Variants in SEPTIN6 observed in about 807,000 individuals in gnomAD.
The protein encoded by SEPTIN6 is septin-6.
SEPTIN6 carries 8 observed loss-of-function variants against 33.6 expected under a neutral mutation model. The observed-to-expected ratio is 0.24, with a 90% CI of 0.14 to 0.43. SEPTIN6 has a LOEUF of 0.43. SEPTIN6 is among the 20% of genes least tolerant of loss of function. The probability of loss-of-function intolerance (pLI) is 1.00; values close to 1 mark genes in which losing one functional copy is unlikely to be tolerated. For missense variants in SEPTIN6, 250 were observed against 340.8 expected, an observed-to-expected ratio of 0.73 and a Z score of 2.10; for synonymous variants, 131 against 140.0, an observed-to-expected ratio of 0.94 and a Z score of 0.45.
At chrX:119,676,413 G>A (rs192619929) in intron 1 of SEPTIN6, among the ~76,000 whole-genome samples, 77 of 106,403 alleles carry the variant, frequency 7.2e-4, no homozygotes, top group African/African-American at 2.6e-3. Context: ...GCAGTGAGCC[G>A]AGATCACGCC....
chrX:119,654,510 AAGG>A (rs1173490043), intron 3 of SEPTIN6, among the ~76,000 whole-genome samples: 9 of 111,311 alleles, frequency 8.1e-5, no homozygotes, highest in African/African-American at 2.6e-4. Context: ...ATGATGATCA[AAGG>A]AGGAGCTGAG....
chrX:119,689,518 A>G (rs7059006), intron 1 of SEPTIN6, among the ~76,000 whole-genome samples: 43,922 of 110,645 alleles, frequency 0.4, 9,321 homozygotes, highest in African/African-American at 0.83. Context: ...ACGGATTCCC[A>G]CTCTGTCGCC....
intron 1 of SEPTIN6, among the ~76,000 whole-genome samples, chrX:119,679,099 C>T (rs1321010209): frequency 9.1e-6 from 1 of 110,180 alleles, no homozygotes; most frequent in Non-Finnish European, 1.9e-5. Context: ...ACCACCGCAC[C>T]CGGCTAATTT....
intron 2 of SEPTIN6, among the ~76,000 whole-genome samples, chrX:119,670,137 A>G (rs1373685067): frequency 9.0e-6 from 1 of 111,322 alleles, no homozygotes. Flanking sequence ...TCCAAAGCTA[A>G]GGGACTAGTA....
intron 1 of SEPTIN6, among the ~76,000 whole-genome samples, chrX:119,682,063 T>C (rs894040061): frequency 1.3e-4 from 14 of 108,791 alleles, no homozygotes; most frequent in African/African-American, 4.4e-4. Context: ...AAAAAGAAAA[T>C]AGAAGTTGTA....
At chrX:119,641,573 T>C (rs2054160091) in intron 5 of SEPTIN6, among the ~76,000 whole-genome samples, 1 of 112,042 alleles carries the variant, frequency 8.9e-6, no homozygotes, top group African/African-American at 3.2e-5. Flanking sequence ...TGAATGGCAG[T>C]GGTAGGGCTA....
intron 5 of SEPTIN6, chrX:119,646,847 G>A (rs766594805): frequency 4.0e-6 from 1 of 252,950 alleles, no homozygotes; most frequent in Non-Finnish European, 8.7e-6. Context: ...TCCTGAGGAT[G>A]CAGCTTCATA....
intron 1 of SEPTIN6, among the ~76,000 whole-genome samples, chrX:119,681,102 T>C (rs1031033955): frequency 9.0e-6 from 1 of 111,383 alleles, no homozygotes; most frequent in Non-Finnish European, 1.9e-5. Flanking sequence ...TGAGTATCAG[T>C]CCGCATTGTT....
chrX:119,620,810 G>A (rs865876972), intron 10 of SEPTIN6, among the ~76,000 whole-genome samples: 3 of 108,905 alleles, frequency 2.8e-5, no homozygotes, highest in Non-Finnish European at 3.8e-5. Context: ...TAGTAGCGAC[G>A]GGGGTTTCAT....
intron 10 of SEPTIN6, among the ~76,000 whole-genome samples, chrX:119,623,765 G>A (rs1485438589): frequency 8.9e-6 from 1 of 112,142 alleles, no homozygotes; most frequent in Non-Finnish European, 1.9e-5. Context: ...CTTGAACCCA[G>A]GAGGCGGAGG....
chrX:119,637,755 A>T (rs532857683), intron 6 of SEPTIN6, among the ~76,000 whole-genome samples: 1 of 112,499 alleles, frequency 8.9e-6, no homozygotes, highest in African/African-American at 3.2e-5. Flanking sequence ...GGGAATTCAG[A>T]AACGAAGTGA....
At chrX:119,641,350 G>C (rs1318975207) in intron 5 of SEPTIN6, among the ~76,000 whole-genome samples, 1 of 111,872 alleles carries the variant, frequency 8.9e-6, no homozygotes, top group Non-Finnish European at 1.9e-5. Context: ...AAGTCACCAA[G>C]GATTTACTCA....
intron 3 of SEPTIN6, among the ~76,000 whole-genome samples, chrX:119,660,652 C>G (rs1364544453): frequency 9.0e-6 from 1 of 111,458 alleles, no homozygotes; most frequent in Non-Finnish European, 1.9e-5. Flanking sequence ...AGATTAAGCA[C>G]TCATATTGTG....
intron 5 of SEPTIN6, among the ~76,000 whole-genome samples, chrX:119,642,177 CAAAAA>C: frequency 2.2e-5 from 1 of 45,371 alleles, no homozygotes; most frequent in Admixed American, 3.2e-4. Flanking sequence ...GACCCAGTCT[CAAAAA>C]AAAAAAAAAA....
chrX:119,670,955 GCT>G (rs1370203703), intron 2 of SEPTIN6, among the ~76,000 whole-genome samples: 2 of 104,109 alleles, frequency 1.9e-5, no homozygotes, highest in Admixed American at 1.1e-4. Context: ...AAAAAAAAAT[GCT>G]CTCTCTTAGT....
intron 8 of SEPTIN6, 90 bp downstream of exon 8, chrX:119,633,270 C>T (rs1198205018): frequency 3.4e-6 from 3 of 885,101 alleles, no homozygotes; most frequent in Non-Finnish European, 4.7e-6. Flanking sequence ...TACATTCACA[C>T]CAACAGTGTA....
chrX:119,648,545 G>A (rs1397380328), intron 5 of SEPTIN6, among the ~76,000 whole-genome samples: 2 of 111,573 alleles, frequency 1.8e-5, no homozygotes, highest in Non-Finnish European at 3.8e-5. Context: ...GCCCACGGCC[G>A]GTCAGAGAAG....
At chrX:119,623,651 C>T (rs1328189685) in intron 10 of SEPTIN6, among the ~76,000 whole-genome samples, 1 of 111,910 alleles carries the variant, frequency 8.9e-6, no homozygotes, top group Non-Finnish European at 1.9e-5. Context: ...CAGCCTGGGC[C>T]AACGTGGTGA....
In SEPTIN6 at chrX:119,693,149, G is replaced by A; in HGVS notation, c.-44C>T. 1 of 1,154,821 alleles carries A rather than the reference G, an allele frequency of 8.7e-7. No individual in the cohort carries two copies. The highest frequency in any genetic ancestry group is 1.2e-6 in the Non-Finnish European group (1 of 861,338). ...GGCTGCCACGGGTGCCGCCGCAACG[G>A]GAGCTACTGCACAGGAAACAGAGGA... On this transcript the variant is annotated 5_prime_UTR_variant, in exon 1 of 11. Transcript: ENST00000394610.
Sources: gnomAD v4.1 joint callset for allele counts (sites outside exome capture counted in the v4.1 genomes callset) on GRCh38, gnomAD v4.1.1 for gene constraint, MANE v1.5 for transcripts, NCBI Gene and HGNC (gene_info 2026-07-23, HGNC 2026-07-21) for gene names.